RHOC: variants seen among roughly 807,000 people sequenced by gnomAD.
RHOC encodes the protein ras homolog family member C.
In RHOC, 13 loss-of-function variants were observed where a neutral mutation model predicts 19.5. The ratio of observed to expected loss-of-function variants is 0.67; its 90% CI spans 0.43 to 1.06. RHOC has a LOEUF of 1.06. Ranked by LOEUF, RHOC falls within the 50% of genes least tolerant of loss-of-function variation. The pLI is 0.00. For missense variants in RHOC, 173 were observed against 256.9 expected (o/e 0.67, Z 2.23); for synonymous variants, 106 against 97.3 (o/e 1.09, Z -0.52).
Position 112,702,623 on chromosome 1 carries a change from C to A in RHOC, c.348G>T (p.Gly116=). 1 of 1,614,104 alleles carries A rather than the reference C, an allele frequency of 6.2e-7. No individual in the cohort carries two copies. Among genetic ancestry groups the A allele is most frequent in the Non-Finnish European group, 8.5e-7 (1 of 1,179,962 alleles). ...CGTCTTGCCTCAGGTCCTTCTTATT[C>A]CCCACCAGGATGATGGGCACGTTGG... ...FCPNVPIILV[G]NKKDLRQDEH... Residue 116 remains glycine (G), a synonymous_variant, in exon 5 of 6, where the codon GGG becomes GGT. Transcript: ENST00000339083.
At chr1:112,706,478 A>ACACACACCCCCACAC (rs1557780715) in intron 1 of RHOC, among the ~76,000 whole-genome samples, 1 of 5,126 alleles carries the variant, frequency 2.0e-4, no homozygotes, top group African/African-American at 5.7e-4. Flanking sequence ...ACACACACAC[A>ACACACACCCCCACAC]CACACACACA....
At chr1:112,706,500 A>ACCCCCACAC (rs1557780872) in intron 1 of RHOC, among the ~76,000 whole-genome samples, 40 of 81,614 alleles carry the variant, frequency 4.9e-4, no homozygotes, top group Non-Finnish European at 7.1e-4. Flanking sequence ...ACACACACAC[A>ACCCCCACAC]CACACACACA....
At chr1:112,703,566 G>T in intron 3 of RHOC, 78 bp downstream of exon 3, 1 of 1,187,436 alleles carries the variant, frequency 8.4e-7, no homozygotes, top group East Asian at 2.4e-5. Flanking sequence ...GGTAGGAATG[G>T]GGAAGGACAT....
rs770297720 is a variant in RHOC at position 112,705,130 on chromosome 1, G to C, written c.-38C>G. 4 of 702,484 alleles carry C rather than the reference G, an allele frequency of 5.7e-6. No homozygotes were observed. In the East Asian group the frequency reaches 1.1e-4, roughly 19 times the overall value. The allele number at this position is 702,484 out of a possible 1,614,324, so 43.5% of individuals were successfully genotyped here. ...GCCGGCTGAAGTTCCCAGGCTGCAG[G>C]AAGAGAGGGCGGGCTCTGGAGCTGA... On this transcript the variant is annotated 5_prime_UTR_variant, in exon 2 of 6. Transcript: ENST00000339083.
At chr1:112,702,064 G>A (rs1468311237) in intron 5 of RHOC, among the ~76,000 whole-genome samples, 1 of 152,108 alleles carries the variant, frequency 6.6e-6, no homozygotes, top group Non-Finnish European at 1.5e-5. Context: ...TTGAAACTTT[G>A]CCATAATTAT....
rs1674634887 is a variant in RHOC, at chr1:112,701,642, T to C, written c.480A>G (p.Ser160=). 1 of 1,613,964 alleles carries C rather than the reference T, an allele frequency of 6.2e-7. No individual in the cohort carries two copies. The highest frequency in any genetic ancestry group is 8.5e-7 in the Non-Finnish European group (1 of 1,180,010). ...RISAFGYLEC[S]AKTKEGVREV... ...CCCGCACTCCCTCCTTGGTCTTGGC[T>C]GAGCACTCAAGGTAGCCAAAGGCAC... is the stretch of plus-strand genomic sequence containing the variant. The change falls in exon 6 of 6, where the codon TCA becomes TCG. Residue 160 remains serine, a synonymous_variant. Transcript: ENST00000339083.
intron 2 of RHOC, 127 bp from the exon 3 acceptor site, chr1:112,703,933 G>A: frequency 1.2e-6 from 1 of 817,388 alleles, no homozygotes; most frequent in Non-Finnish European, 1.9e-6. Context: ...GCTCAGGCAT[G>A]TTCTGGCAAA....
Position 112,705,281 on chromosome 1 carries a change from G to A in RHOC, c.-76-113C>T, listed in dbSNP as rs921685259. 90 of 674,472 alleles carry A rather than the reference G, an allele frequency of 1.3e-4. 1 individual carries two copies. Among genetic ancestry groups the A allele is most frequent in the Admixed American group, 5.1e-4 (24 of 46,640 alleles). The allele number at this position is 674,472 out of a possible 1,614,324, so 41.8% of individuals were successfully genotyped here. A position where few individuals can be genotyped will look rare whatever the true frequency, so the allele number is the denominator to read the frequency against. On this transcript the variant is annotated intron_variant, in intron 1 of 5. Transcript: ENST00000339083. ...GGCAGGGAGCAGTTAAGAAAGCGAC[G>A]GTAACCTGATCTCAGCCTCAAACCT...
Position 112,701,160 on chromosome 1 carries a change from C to G in RHOC, c.*380G>C, listed in dbSNP as rs1232765962. Reference sequence around the variant, plus strand: ...AGCCTGTAGCCTTTATTCATGCCCCCCTGACCAAATGCAGTGAGAGACAAG... The same window carrying G: ...AGCCTGTAGCCTTTATTCATGCCCCGCTGACCAAATGCAGTGAGAGACAAG... On this transcript the variant is annotated 3_prime_UTR_variant, in exon 6 of 6. Transcript: ENST00000339083. 18 of 519,992 alleles carry G rather than the reference C, an allele frequency of 3.5e-5. No individual in the cohort carries two copies. The East Asian group carries it at 5.5e-4, about 16-fold the overall frequency. 32.2% of individuals were successfully genotyped at this position (519,992 alleles called of 1,614,324 possible).
At position 112,705,092 on chromosome 1, in the gene RHOC, G is replaced by A; in HGVS notation, c.-8+8C>T. 2.8e-6 allele frequency: 2 copies of A among 702,476 alleles called. No individual in the cohort carries two copies. The highest frequency in any genetic ancestry group is 2.6e-6 in the Non-Finnish European group (1 of 384,820). 43.5% of individuals were successfully genotyped at this position (702,476 alleles called of 1,614,324 possible). On this transcript the variant is annotated splice_region_variant and intron_variant, in intron 2 of 5. Transcript: ENST00000339083. ...TCACTTCCTCCTTCCCTGGGGAGGG[G>A]AACTGACCTCCAGCCGGCTGAAGTT...
intron 5 of RHOC, 111 bp downstream of exon 5, chr1:112,702,452 C>G (rs1674685389): frequency 2.5e-6 from 3 of 1,187,320 alleles, no homozygotes; most frequent in Non-Finnish European, 3.6e-6. Flanking sequence ...GGAGATATTA[C>G]TGTTTCCCCT....
Position 112,705,078 on chromosome 1 carries a change from T to C in RHOC, c.-8+22A>G, listed in dbSNP as rs1299830041. 5.7e-6 allele frequency: 4 copies of C among 702,274 alleles called. No homozygotes were observed. The Admixed American group carries it at 6.0e-5, about 11-fold the overall frequency. 43.5% of individuals were successfully genotyped at this position (702,274 alleles called of 1,614,324 possible). A position where few individuals can be genotyped will look rare whatever the true frequency, so the allele number is the denominator to read the frequency against. On this transcript the variant is annotated intron_variant, in intron 2 of 5. Coordinates refer to ENST00000339083, the MANE Select transcript of RHOC (RefSeq NM_175744.5). ...CTTCGCAGCTTCCCTCACTTCCTCC[T>C]TCCCTGGGGAGGGGAACTGACCTCC...
intron 5 of RHOC, 96 bp from the exon 6 acceptor site, chr1:112,701,809 CT>C: frequency 7.3e-7 from 1 of 1,376,978 alleles, no homozygotes; most frequent in South Asian, 1.3e-5. Context: ...CAAATGCCTC[CT>C]TCTCCAGCCC....
chr1:112,703,211 A>G, intron 3 of RHOC, 92 bp from the exon 4 acceptor site: 2 of 1,469,066 alleles, frequency 1.4e-6, no homozygotes, highest in Non-Finnish European at 1.9e-6. Flanking sequence ...GGCTCACTGA[A>G]CTTCTTTATT....
chr1:112,703,842 G>C, intron 2 of RHOC, 36 bp from the exon 3 acceptor site: 2 of 1,583,554 alleles, frequency 1.3e-6, no homozygotes, highest in Non-Finnish European at 1.7e-6. Context: ...TTGAGGAAAA[G>C]CCATTAAGTC....
chr1:112,701,560 T>C lies in RHOC; in HGVS notation c.562A>G (p.Arg188Gly), dbSNP rs755304944. 9.3e-6 allele frequency: 15 copies of C among 1,613,908 alleles called. No individual in the cohort carries two copies. The Admixed American group carries it at 2.5e-4, about 27-fold the overall frequency. Residue 188 changes from arginine (R) to glycine (G), a missense_variant, in exon 6 of 6, where the codon AGG becomes GGG. Arg to Gly is a moderately radical substitution (Grantham distance 125). Transcript: ENST00000339083. ...GGATCTCAGAGAATGGGACAGCCCC[T>C]CCGACGCTTGTTCTTGCGGACCTGG... ...GLQVRKNKRR[R>G]GCPIL
Position 112,701,405 on chromosome 1 carries a change from AC to A in RHOC, c.*134del. 6.3e-7 allele frequency: 1 copy of A among 1,578,438 alleles called. No homozygotes were observed. Among genetic ancestry groups the A allele is most frequent in the Non-Finnish European group, 8.6e-7 (1 of 1,161,356 alleles). ...CGTGCCACCACCTCGGGGCTAGAAAACAATGCAGTCCTGGGCAGGAGGGAAC... is the reference window on the plus strand; with the variant it reads ...CGTGCCACCACCTCGGGGCTAGAAAAAATGCAGTCCTGGGCAGGAGGGAAC... On this transcript the variant is annotated 3_prime_UTR_variant, in exon 6 of 6. Transcript: ENST00000339083.
intron 4 of RHOC, 152 bp from the exon 5 acceptor site, chr1:112,702,845 G>A: frequency 7.4e-7 from 1 of 1,349,894 alleles, no homozygotes; most frequent in Non-Finnish European, 1.0e-6. Context: ...TATGCCCTCA[G>A]AGGGCCAGTT....
intron 1 of RHOC, among the ~76,000 whole-genome samples, chr1:112,706,484 A>ACCACACACACACACACCCCCACAC (rs1557780746): frequency 1.3e-4 from 2 of 15,396 alleles, no homozygotes; most frequent in Non-Finnish European, 1.4e-4. Context: ...ACACACACAC[A>ACCACACACACACACACCCCCACAC]CACACACACA....
Sources: allele counts gnomAD v4.1 joint callset (sites outside exome capture counted in the v4.1 genomes callset), GRCh38; gene constraint gnomAD v4.1.1; transcripts MANE v1.5; gene names NCBI Gene and HGNC (gene_info 2026-07-23, HGNC 2026-07-21).